The following NXPE4 variants were observed in gnomAD, a reference collection of about 807,000 sequenced individuals.
NXPE4 encodes the protein neurexophilin and PC-esterase domain family member 4, also known as NXPE family member 4.
NXPE4 carries 42 observed loss-of-function variants against 33.3 expected under a neutral mutation model. The observed-to-expected ratio is 1.26, with a 90% CI of 0.98 to 1.63. The LOEUF (loss-of-function observed/expected upper bound fraction) is 1.63, where lower values mean the gene tolerates loss of function less well. Ranked by LOEUF, NXPE4 falls within the 40% of genes most tolerant of loss-of-function variation. The pLI is 0.00. For missense variants in NXPE4, 709 were observed against 647.6 expected, an observed-to-expected ratio of 1.09 and a Z score of -1.03; for synonymous variants, 253 against 234.9, an observed-to-expected ratio of 1.08 and a Z score of -0.71.
chr11:114,570,888 G>T lies in NXPE4; in HGVS notation c.*50C>A. 1 of 1,333,566 alleles carries T rather than the reference G, an allele frequency of 7.5e-7. No individual in the cohort carries two copies. The highest frequency in any genetic ancestry group is 1.0e-6 in the Non-Finnish European group (1 of 973,886). 82.6% of individuals were successfully genotyped at this position (1,333,566 alleles called of 1,614,324 possible). ...ACAGCATCTGGCCTGCTAGTAGACA[G>T]TCAATAAATTTTTTTACTTAAGTGA... On this transcript the variant is annotated 3_prime_UTR_variant, in exon 6 of 6. Coordinates refer to ENST00000375478, the MANE Select transcript of NXPE4 (RefSeq NM_001077639.2).
rs1948879052 is a variant in NXPE4, at chr11:114,571,323, G to A, written c.1250C>T (p.Thr417Ile). 87 of 1,614,020 alleles carry A rather than the reference G, an allele frequency of 5.4e-5. No individual in the cohort carries two copies. Among genetic ancestry groups the A allele is most frequent in the Non-Finnish European group, 7.2e-5 (85 of 1,179,924 alleles). The change falls in exon 6 of 6, where the codon ACC becomes ATC. Residue 417 changes from threonine (T) to isoleucine (I), a missense_variant. Coordinates refer to ENST00000375478, the MANE Select transcript of NXPE4 (RefSeq NM_001077639.2). ...TYSVKEMEYLTRAIDRTGGEK... is the reference protein window; with the variant it reads ...TYSVKEMEYLIRAIDRTGGEK... Reference sequence around the variant, plus strand: ...TCCTCCAGTTCTGTCAATGGCCCGGGTGAGGTACTCCATCTCTTTGACTGA... The same window carrying A: ...TCCTCCAGTTCTGTCAATGGCCCGGATGAGGTACTCCATCTCTTTGACTGA...
chr11:114,677,823 G>C, the NXPE4 span, among the ~76,000 whole-genome samples: 1 of 152,028 alleles, frequency 6.6e-6, no homozygotes, highest in Admixed American at 6.6e-5. Context: ...CTCATGCAGA[G>C]CAATGCATAC....
the NXPE4 span, among the ~76,000 whole-genome samples, chr11:114,661,095 G>A: frequency 1.3e-5 from 2 of 152,104 alleles, no homozygotes; most frequent in Non-Finnish European, 2.9e-5. Flanking sequence ...AAACCATGAT[G>A]AAAGAAATCA....
the NXPE4 span, among the ~76,000 whole-genome samples, chr11:114,621,180 C>T: frequency 1.3e-5 from 2 of 151,788 alleles, no homozygotes; most frequent in Admixed American, 6.6e-5. Context: ...AGTGTTGCCT[C>T]GTGGGTAACC....
the NXPE4 span, among the ~76,000 whole-genome samples, chr11:114,662,333 A>C: frequency 2.0e-5 from 3 of 152,310 alleles, no homozygotes; most frequent in Non-Finnish European, 2.9e-5. Flanking sequence ...CCACCCACAG[A>C]TAGAGCATTT....
At chr11:114,629,194 C>A in the NXPE4 span, among the ~76,000 whole-genome samples, 2 of 152,022 alleles carry the variant, frequency 1.3e-5, no homozygotes, top group Non-Finnish European at 2.9e-5. Context: ...CATTCTGATA[C>A]CAAAGCCGGG....
intron 2 of NXPE4, among the ~76,000 whole-genome samples, chr11:114,586,978 ATC>A (rs1196774036): frequency 4.6e-5 from 7 of 152,144 alleles, no homozygotes; most frequent in Non-Finnish European, 1.5e-5. Context: ...CCCTGTGAAC[ATC>A]TCTCTCTTTA....
chr11:114,612,293 ATAAG>A, the NXPE4 span, among the ~76,000 whole-genome samples: 1 of 151,716 alleles, frequency 6.6e-6, no homozygotes, highest in Non-Finnish European at 1.5e-5. Flanking sequence ...CCGTTGGATA[ATAAG>A]TATTGCCTCG....
chr11:114,607,945 C>T, the NXPE4 span, among the ~76,000 whole-genome samples: 9 of 151,350 alleles, frequency 5.9e-5, no homozygotes, highest in African/African-American at 2.2e-4. Context: ...TGTCTAACCA[C>T]TGTTACCCAG....
At chr11:114,620,012 C>A in the NXPE4 span, among the ~76,000 whole-genome samples, 1 of 151,790 alleles carries the variant, frequency 6.6e-6, no homozygotes, top group Non-Finnish European at 1.5e-5. Context: ...TCGTGGGTAA[C>A]CATTGTTACC....
chr11:114,644,136 CA>C, the NXPE4 span, among the ~76,000 whole-genome samples: 9 of 152,160 alleles, frequency 5.9e-5, no homozygotes, highest in Non-Finnish European at 1.3e-4. Context: ...AGTTGCTTAT[CA>C]GCTTAAGGAG....
At chr11:114,650,225 GCA>G in the NXPE4 span, among the ~76,000 whole-genome samples, 6 of 152,268 alleles carry the variant, frequency 3.9e-5, no homozygotes, top group South Asian at 1.2e-3. Context: ...CTTTGGTAGA[GCA>G]CAGGAAAAAG....
the NXPE4 span, among the ~76,000 whole-genome samples, chr11:114,651,152 G>A: frequency 1.3e-5 from 2 of 152,058 alleles, no homozygotes; most frequent in African/African-American, 4.8e-5. Context: ...TGGGTTCTTG[G>A]TCTCGCTTAC....
chr11:114,611,667 G>A, the NXPE4 span, among the ~76,000 whole-genome samples: 11 of 151,794 alleles, frequency 7.2e-5, no homozygotes, highest in African/African-American at 1.9e-4. Flanking sequence ...TGGATAATAC[G>A]TGTTGCCTCG....
chr11:114,651,347 C>T, the NXPE4 span, among the ~76,000 whole-genome samples: 206 of 151,584 alleles, frequency 1.4e-3, no homozygotes, highest in African/African-American at 4.6e-3. Context: ...GTGGCACGTC[C>T]GGAGTTGTTT....
the NXPE4 span, among the ~76,000 whole-genome samples, chr11:114,639,544 T>C: frequency 2.6e-5 from 4 of 151,290 alleles, no homozygotes; most frequent in African/African-American, 9.7e-5. Flanking sequence ...ATGCAGAAAT[T>C]AGCTGTCTTC....
intron 5 of NXPE4, among the ~76,000 whole-genome samples, chr11:114,577,028 CATATATATATATAAAGTT>C (rs1565329188): frequency 2.1e-5 from 2 of 95,012 alleles, no homozygotes; most frequent in Non-Finnish European, 4.3e-5. Flanking sequence ...TATATATATA[CATATATATATATAAAGTT>C]ATATATATAT....
the NXPE4 span, among the ~76,000 whole-genome samples, chr11:114,628,211 A>T: frequency 2.1e-4 from 30 of 144,498 alleles, no homozygotes; most frequent in African/African-American, 7.5e-4. Context: ...AATCAACAGA[A>T]TATACATTTT....
chr11:114,663,760 C>A, the NXPE4 span, among the ~76,000 whole-genome samples: 1 of 151,532 alleles, frequency 6.6e-6, no homozygotes, highest in Non-Finnish European at 1.5e-5. Flanking sequence ...TAATAAGCAA[C>A]CCAAGTAAAA....
Sources: allele counts gnomAD v4.1 joint callset (sites outside exome capture counted in the v4.1 genomes callset), GRCh38; gene constraint gnomAD v4.1.1; transcripts MANE v1.5; gene names NCBI Gene and HGNC (gene_info 2026-07-23, HGNC 2026-07-21).